Variants in UPF3B observed in about 807,000 individuals in gnomAD.
UPF3B encodes the protein UPF3B regulator of nonsense mediated mRNA decay, also known as regulator of nonsense transcripts 3B.
In UPF3B, 7 loss-of-function variants were observed where a neutral mutation model predicts 40.3. That is an observed-to-expected ratio of 0.17 (90% confidence interval 0.10 to 0.33). The LOEUF (loss-of-function observed/expected upper bound fraction) is 0.33. UPF3B is among the 10% of genes least tolerant of loss of function. UPF3B has a pLI of 1.00. For missense variants in UPF3B, 229 were observed against 358.9 expected (o/e 0.64, Z 2.93); for synonymous variants, 117 against 117.3 (o/e 1.00, Z 0.01).
In UPF3B at chrX:119,852,793, TCTC is replaced by T. The variant is rs1456508052; in HGVS notation, c.133_135del (p.Glu45del). On this transcript the variant is annotated inframe_deletion, in exon 1 of 11. Transcript: ENST00000276201. ...GGCACCTTGCTCAGCGCTTCTTTCT[TCTC>T]CTTGTTGCGATCCTGCTTATCTTCC... 3 of 1,211,095 alleles carry T rather than the reference TCTC, an allele frequency of 2.5e-6. No individual in the cohort carries two copies. The highest frequency in any genetic ancestry group is 3.4e-6 in the Non-Finnish European group (3 of 895,453).
chrX:119,833,911 C>T, downstream of UPF3B: 1 of 441,027 alleles, frequency 2.3e-6, no homozygotes, highest in Non-Finnish European at 2.8e-6. Flanking sequence ...CACCTTCTGC[C>T]ATGAGTTAAA....
At chrX:119,846,695 C>G (rs1603371788) in intron 3 of UPF3B, among the ~76,000 whole-genome samples, 1 of 109,068 alleles carries the variant, frequency 9.2e-6, no homozygotes, top group East Asian at 2.8e-4. Context: ...GAGGGTAGAT[C>G]TCATGTTAAG....
chrX:119,839,919 T>C (rs1235069883), intron 8 of UPF3B, among the ~76,000 whole-genome samples: 2 of 111,709 alleles, frequency 1.8e-5, no homozygotes, highest in Non-Finnish European at 3.8e-5. Flanking sequence ...ACTTGTGGCA[T>C]AGCAGACAGA....
chrX:119,847,399 AT>A (rs2147796235), intron 3 of UPF3B, among the ~76,000 whole-genome samples: 1 of 110,109 alleles, frequency 9.1e-6, no homozygotes, highest in Non-Finnish European at 1.9e-5. Context: ...ATGAGGGAAG[AT>A]CGCGCCATTG....
chrX:119,817,745 T>C (rs1303239956), intron 4 of UPF3B, among the ~76,000 whole-genome samples: 1 of 111,587 alleles, frequency 9.0e-6, no homozygotes, highest in Non-Finnish European at 1.9e-5. Context: ...TGAAAAGAGC[T>C]CCTATCAGCG....
At chrX:119,826,923 A>G (rs965306610) in intron 3 of UPF3B, among the ~76,000 whole-genome samples, 5 of 112,312 alleles carry the variant, frequency 4.5e-5, no homozygotes, top group African/African-American at 1.6e-4. Context: ...GAGCTGCTTG[A>G]GGAATTTTAC....
rs1556379941 is a variant in UPF3B at position 119,842,580 on chromosome X, T to TCTCACA, written c.580+610_580+611insTGTGAG. Reference sequence around the variant, plus strand: ...GGGCGACAGAGCAAGACTCCATCTCTCACACACACACACACACACACACAT... The same window carrying TCTCACA: ...GGGCGACAGAGCAAGACTCCATCTCTCTCACACACACACACACACACACACACACAT... On this transcript the variant is annotated intron_variant, in intron 5 of 10. Coordinates refer to ENST00000276201, the MANE Select transcript of UPF3B (RefSeq NM_080632.3). 1.1e-3 allele frequency among the ~76,000 whole-genome samples: 77 copies of TCTCACA among 71,462 alleles called. 1 individual carries two copies. Among genetic ancestry groups the TCTCACA allele is most frequent in the African/African-American group, 4.3e-3 (71 of 16,368 alleles). The allele number at this position is 71,462 out of a possible 115,157, so 62.1% of individuals were successfully genotyped here.
intron 4 of UPF3B, among the ~76,000 whole-genome samples, chrX:119,822,231 T>C (rs752344288): frequency 1.2e-4 from 14 of 112,963 alleles, no homozygotes; most frequent in Non-Finnish European, 2.1e-4. Context: ...CCTGTACTTA[T>C]AGACAAGGAC....
At chrX:119,806,750 G>A (rs182070117) in intron 6 of UPF3B, among the ~76,000 whole-genome samples, 95 of 110,622 alleles carry the variant, frequency 8.6e-4, no homozygotes, top group Admixed American at 3.5e-3. Flanking sequence ...TGGAATGGAC[G>A]GGCACGGTGG....
At chrX:119,807,942 T>C (rs1317132592) in intron 5 of UPF3B, among the ~76,000 whole-genome samples, 2 of 111,573 alleles carry the variant, frequency 1.8e-5, no homozygotes, top group African/African-American at 6.5e-5. Context: ...TGCAGGCAGG[T>C]GCAACCACAC....
intron 9 of UPF3B, 40 bp downstream of exon 9, chrX:119,838,327 T>C (rs747468277): frequency 2.5e-6 from 3 of 1,194,860 alleles, no homozygotes; most frequent in African/African-American, 1.8e-5. Flanking sequence ...AAAACTAGCA[T>C]GTATAAATCA....
intron 6 of UPF3B, 117 bp downstream of exon 6, chrX:119,841,618 G>A (rs2056162173): frequency 1.3e-6 from 1 of 744,657 alleles, no homozygotes; most frequent in Admixed American, 2.5e-5. Context: ...TCCTTAAAGA[G>A]TAATGGTGGA....
At chrX:119,827,737 T>C (rs906548758) in intron 3 of UPF3B, among the ~76,000 whole-genome samples, 20 of 110,169 alleles carry the variant, frequency 1.8e-4, no homozygotes, top group African/African-American at 6.6e-4. Flanking sequence ...TTTTTTCCTC[T>C]TCTTTATTTT....
In UPF3B at chrX:119,808,710, G is replaced by A. The variant is rs895604713; in HGVS notation, c.603-1129C>T. ...AAGAGGGAGGTGCTGACGTGAAAAC[G>A]GCCTTGAGATGGCTGGCAACAGGCT... On this transcript the variant is annotated intron_variant, in intron 5 of 6. Coordinates refer to the UPF3B transcript ENST00000636792. 5.5e-5 allele frequency among the ~76,000 whole-genome samples: 6 copies of A among 108,775 alleles called. No individual in the cohort carries two copies. In the East Asian group the frequency reaches 8.7e-4, roughly 16 times the overall value. The allele number at this position is 108,775 out of a possible 115,157, so 94.5% of individuals were successfully genotyped here. A position where few individuals can be genotyped will look rare whatever the true frequency, so the allele number is the denominator to read the frequency against.
At chrX:119,821,755 G>A (rs1456635528) in intron 4 of UPF3B, among the ~76,000 whole-genome samples, 2 of 109,158 alleles carry the variant, frequency 1.8e-5, no homozygotes, top group African/African-American at 6.7e-5. Context: ...CCGAGATTGT[G>A]CCACTGCACT....
At position 119,838,503 on chromosome X, in the gene UPF3B, C is replaced by A. The variant is rs1164211508; in HGVS notation, c.871G>T (p.Asp291Tyr). ...KNLLKKPEKG[D>Y]EKELDKREKA... is the part of the protein sequence containing the mutation. The stretch of plus-strand genomic sequence containing the variant: ...TCTCTTTTGTCCAATTCTTTTTCAT[C>A]TCCTTTTTCTGGCTTCTTGAGCAGC... The change falls in exon 9 of 11, where the codon GAT becomes TAT. Residue 291 changes from aspartate (D) to tyrosine (Y), a missense_variant. Physicochemically the swap from Asp to Tyr is radical, Grantham distance 160 (BLOSUM62 -3). Coordinates refer to ENST00000276201, the MANE Select transcript of UPF3B (RefSeq NM_080632.3). The A allele has an allele frequency of 8.3e-7, 1 of 1,210,893 alleles. No homozygotes were observed. The highest frequency in any genetic ancestry group is 1.1e-6 in the Non-Finnish European group (1 of 895,150).
chrX:119,852,646 G>A, intron 1 of UPF3B, 127 bp downstream of exon 1: 1 of 1,055,944 alleles, frequency 9.5e-7, no homozygotes, highest in Admixed American at 2.3e-5. Flanking sequence ...AGGATGATGC[G>A]ACTTCCATTC....
intron 4 of UPF3B, among the ~76,000 whole-genome samples, chrX:119,819,242 C>T (rs2055891230): frequency 9.1e-6 from 1 of 109,671 alleles, no homozygotes; most frequent in Admixed American, 9.9e-5. Flanking sequence ...TTAGTAGAAA[C>T]GAGGTTTCAC....
At chrX:119,839,634 A>C (rs934591637) in intron 8 of UPF3B, among the ~76,000 whole-genome samples, 4 of 112,055 alleles carry the variant, frequency 3.6e-5, no homozygotes, top group African/African-American at 1.3e-4. Flanking sequence ...TAAATTACTA[A>C]GCAAAAGGCA....
Sources: allele counts gnomAD v4.1 joint callset (sites outside exome capture counted in the v4.1 genomes callset), GRCh38; gene constraint gnomAD v4.1.1; transcripts MANE v1.5; gene names NCBI Gene and HGNC (gene_info 2026-07-23, HGNC 2026-07-21).